EIF3E: variants seen among roughly 807,000 people sequenced by gnomAD.
The protein encoded by EIF3E is eIF-3 p48.
Under a neutral mutation model 59.3 loss-of-function variants are expected in EIF3E, and 25 were observed. That is an observed-to-expected ratio of 0.42 (90% CI 0.31 to 0.59). The LOEUF is 0.59. Ranked by LOEUF, EIF3E falls within the 20% of genes least tolerant of loss-of-function variation. The probability of loss-of-function intolerance (pLI) is 0.15; values close to 1 mark genes in which losing one functional copy is unlikely to be tolerated. For missense variants in EIF3E, 317 were observed against 534.3 expected, an observed-to-expected ratio of 0.59 and a Z score of 4.01; for synonymous variants, 176 against 170.2, an observed-to-expected ratio of 1.03 and a Z score of -0.26.
chr8:108,228,064 A>T, intron 7 of EIF3E: 1 of 426,850 alleles, frequency 2.3e-6, no homozygotes, highest in Non-Finnish European at 3.9e-6. Context: ...ATAGCACTTT[A>T]AAAGGCTTAG....
Position 108,248,695 on chromosome 8 carries a change from T to C in EIF3E, c.8A>G (p.Glu3Gly), listed in dbSNP as rs1220289370. The C allele has an allele frequency of 6.2e-7, 1 of 1,614,174 alleles. No homozygotes were observed. The highest frequency in any genetic ancestry group is 1.7e-5 in the Admixed American group (1 of 60,026). The change falls in exon 1 of 13, where the codon GAG becomes GGG. Residue 3 changes from glutamate to glycine, a missense_variant. Physicochemically the swap from Glu to Gly is moderately conservative, Grantham distance 98 (BLOSUM62 -2). Transcript: ENST00000220849. The part of the protein sequence containing the change: MA[E>G]YDLTTRIAHF... ...CGCGATGCGAGTAGTCAAGTCGTAC[T>C]CCGCCATCTTGCCAAAGAAAAGGGA...
chr8:108,236,109 T>C, intron 4 of EIF3E, 52 bp downstream of exon 4: 1 of 1,506,394 alleles, frequency 6.6e-7, no homozygotes, highest in Non-Finnish European at 9.1e-7. Flanking sequence ...AACCAGTCTT[T>C]AGTCAGCATT....
intron 3 of EIF3E, among the ~76,000 whole-genome samples, chr8:108,238,946 T>G (rs185527059): frequency 7.4e-4 from 112 of 152,344 alleles, no homozygotes; most frequent in African/African-American, 2.6e-3. Context: ...CCGTGACATG[T>G]ACTACGTCAG....
At chr8:108,206,278 T>C (rs1815098907) in intron 10 of EIF3E, among the ~76,000 whole-genome samples, 1 of 151,494 alleles carries the variant, frequency 6.6e-6, no homozygotes, top group African/African-American at 2.4e-5. Flanking sequence ...TGAGCTGAGA[T>C]GGCATCACTG....
chr8:108,248,571 C>T (rs369094560), intron 1 of EIF3E, 42 bp downstream of exon 1: 552 of 1,602,942 alleles, frequency 3.4e-4, no homozygotes, highest in Non-Finnish European at 4.3e-4. Flanking sequence ...CTCAGCACCT[C>T]ATCCGCCCCC....
In EIF3E at chr8:108,238,342, C is replaced by T. The variant is rs750938308; in HGVS notation, c.323+1616G>A. ...CAAGACCTTGCCTACCCCCTACTCA[C>T]GAGCCCCCTCAAATACCAAAATCTG... On this transcript the variant is annotated intron_variant, in intron 3 of 12. Transcript: ENST00000220849. 4.6e-5 allele frequency among the ~76,000 whole-genome samples: 7 copies of T among 152,110 alleles called. 1 individual carries two copies. Among genetic ancestry groups the T allele is most frequent in the Non-Finnish European group, 1.0e-4 (7 of 68,032 alleles).
intron 7 of EIF3E, among the ~76,000 whole-genome samples, chr8:108,221,800 A>ACACG (rs534013949): frequency 1.9e-3 from 284 of 150,450 alleles, no homozygotes; most frequent in Middle Eastern, 0.01. Flanking sequence ...CAGACTACAC[A>ACACG]CACACGCACA....
rs933838459 is a variant in EIF3E at position 108,218,399 on chromosome 8, G to T, written c.723-939C>A. Among the ~76,000 whole-genome samples the T allele has an allele frequency of 2.6e-5, 4 of 152,088 alleles. No individual in the cohort carries two copies. The East Asian group carries it at 5.8e-4, about 22-fold the overall frequency. On this transcript the variant is annotated intron_variant, in intron 7 of 12. Transcript: ENST00000220849. ...TACCTTATCTTCTAAGTTCCCCCAG[G>T]CAATGATGAGTAAATCTGTATTTTA...
At chr8:108,248,536 C>G (rs1406999049) in intron 1 of EIF3E, 77 bp downstream of exon 1, 1 of 1,468,626 alleles carries the variant, frequency 6.8e-7, no homozygotes, top group Non-Finnish European at 9.5e-7. Context: ...AGGCCTAGGA[C>G]TACAGACACC....
At chr8:108,228,051 T>A in intron 7 of EIF3E, 1 of 384,568 alleles carries the variant, frequency 2.6e-6, no homozygotes, top group Non-Finnish European at 4.5e-6. Flanking sequence ...GACCACACTT[T>A]AAATAGCACT....
chr8:108,224,954 T>C (rs1426720203), intron 7 of EIF3E, among the ~76,000 whole-genome samples: 2 of 151,602 alleles, frequency 1.3e-5, no homozygotes, highest in African/African-American at 4.9e-5. Flanking sequence ...CCCAAATTAA[T>C]TTTTAAAAAC....
chr8:108,238,410 T>A lies in EIF3E; in HGVS notation c.323+1548A>T, dbSNP rs1224326310. Among the ~76,000 whole-genome samples the A allele has an allele frequency of 2.0e-5, 3 of 152,334 alleles. No homozygotes were observed. The East Asian group carries it at 5.8e-4, about 29-fold the overall frequency. On this transcript the variant is annotated intron_variant, in intron 3 of 12. Transcript: ENST00000220849. ...TATGTAAAATAGCACAGTATTTGCA[T>A]GTAAATTATACACATCCTCCCATCC... is the stretch of plus-strand genomic sequence containing the variant.
chr8:108,235,412 C>T (rs1311097621), intron 4 of EIF3E, among the ~76,000 whole-genome samples: 2 of 152,156 alleles, frequency 1.3e-5, no homozygotes, highest in East Asian at 1.9e-4. Context: ...GCATAAGGAG[C>T]GTGCAACCTA....
chr8:108,247,837 T>C (rs1390092747), intron 1 of EIF3E, among the ~76,000 whole-genome samples: 1 of 152,252 alleles, frequency 6.6e-6, no homozygotes. Flanking sequence ...AATTTTCTTT[T>C]AGCCAAAACT....
chr8:108,223,897 T>C (rs1032704778), intron 7 of EIF3E, among the ~76,000 whole-genome samples: 8 of 151,362 alleles, frequency 5.3e-5, no homozygotes, highest in African/African-American at 1.7e-4. Context: ...AACGTATACA[T>C]GATCTCTAAC....
intron 10 of EIF3E, 86 bp from the exon 11 acceptor site, chr8:108,203,589 T>G (rs1815037930): frequency 1.9e-6 from 2 of 1,029,608 alleles, no homozygotes; most frequent in Non-Finnish European, 3.0e-6. Flanking sequence ...ACACTCTGCA[T>G]AGATACTTTT....
At chr8:108,216,324 T>C (rs1815304790) in intron 9 of EIF3E, 88 bp downstream of exon 9, 3 of 958,012 alleles carry the variant, frequency 3.1e-6, no homozygotes, top group Non-Finnish European at 4.7e-6. Context: ...ATTACTTCAT[T>C]ACTTTAAGGA....
chr8:108,230,462 C>T (rs552349058), intron 5 of EIF3E, among the ~76,000 whole-genome samples: 13 of 151,900 alleles, frequency 8.6e-5, no homozygotes, highest in Admixed American at 1.3e-4. Context: ...TTTACATATA[C>T]ATTTACATAC....
chr8:108,235,158 T>C (rs773810094), intron 4 of EIF3E, 56 bp from the exon 5 acceptor site: 10 of 1,116,116 alleles, frequency 9.0e-6, no homozygotes, highest in South Asian at 5.6e-5. Flanking sequence ...TAAAACCCCA[T>C]TGTAATTCAT....
Sources: gnomAD v4.1 joint callset for allele counts (sites outside exome capture counted in the v4.1 genomes callset) on GRCh38, gnomAD v4.1.1 for gene constraint, MANE v1.5 for transcripts, NCBI Gene and HGNC (gene_info 2026-07-23, HGNC 2026-07-21) for gene names.